The following MAP7 variants were observed in gnomAD, a reference collection of about 807,000 sequenced individuals.
MAP7 encodes the protein ensconsin.
A neutral mutation model predicts 94.8 loss-of-function variants in MAP7; 52 were observed. That is an observed-to-expected ratio of 0.55 (90% confidence interval 0.44 to 0.69). The LOEUF (loss-of-function observed/expected upper bound fraction) is 0.69, where lower values mean the gene tolerates loss of function less well. MAP7 is among the 30% of genes least tolerant of loss of function. The probability of loss-of-function intolerance (pLI) is 0.00; values close to 1 mark genes in which losing one functional copy is unlikely to be tolerated. For synonymous variants in MAP7, 350 were observed against 357.0 expected, an observed-to-expected ratio of 0.98 and a Z score of 0.22; for missense variants, 940 against 964.6, an observed-to-expected ratio of 0.97 and a Z score of 0.34.
At chr6:136,480,384 G>T (rs1299165330) in intron 1 of MAP7, among the ~76,000 whole-genome samples, 1 of 151,974 alleles carries the variant, frequency 6.6e-6, no homozygotes, top group Non-Finnish European at 1.5e-5. Context: ...TTCAAACTAT[G>T]AAACTACTAA....
chr6:136,493,958 C>T (rs1178603560), intron 1 of MAP7, among the ~76,000 whole-genome samples: 1 of 152,212 alleles, frequency 6.6e-6, no homozygotes, highest in Non-Finnish European at 1.5e-5. Context: ...AAGGCACAAC[C>T]TACCGACCTC....
At chr6:136,519,959 G>C (rs1825914213) in intron 1 of MAP7, among the ~76,000 whole-genome samples, 1 of 152,112 alleles carries the variant, frequency 6.6e-6, no homozygotes, top group African/African-American at 2.4e-5. Flanking sequence ...AGCACTTTGG[G>C]AGATCAAGGT....
intron 1 of MAP7, among the ~76,000 whole-genome samples, chr6:136,456,339 C>T (rs533825018): frequency 2.6e-5 from 4 of 151,930 alleles, no homozygotes. Flanking sequence ...AAAAGCAGTG[C>T]TATGAGGAAA....
chr6:136,377,419 T>A, intron 7 of MAP7, among the ~76,000 whole-genome samples: 1 of 152,222 alleles, frequency 6.6e-6, no homozygotes, highest in East Asian at 1.9e-4. Flanking sequence ...TGTTAAATTA[T>A]TTCTACCTTG....
At chr6:136,513,405 C>T (rs1562478154) in intron 1 of MAP7, among the ~76,000 whole-genome samples, 1 of 152,188 alleles carries the variant, frequency 6.6e-6, no homozygotes, top group Non-Finnish European at 1.5e-5. Context: ...AAACCACTTA[C>T]TTTGTTCATC....
chr6:136,431,836 CAG>C (rs1300652426), intron 1 of MAP7, among the ~76,000 whole-genome samples: 6 of 152,128 alleles, frequency 3.9e-5, no homozygotes, highest in Admixed American at 6.5e-5. Context: ...TCTTTTCTAA[CAG>C]AACCCTCATT....
intron 1 of MAP7, among the ~76,000 whole-genome samples, chr6:136,443,875 C>G (rs899040303): frequency 4.6e-5 from 7 of 152,148 alleles, no homozygotes; most frequent in Admixed American, 4.6e-4. Context: ...TGTAGAAGCG[C>G]CCCTTGAGAG....
chr6:136,467,289 T>TAAC (rs1807457643), intron 1 of MAP7, among the ~76,000 whole-genome samples: 1 of 152,202 alleles, frequency 6.6e-6, no homozygotes, highest in Non-Finnish European at 1.5e-5. Flanking sequence ...ACCCTGAAGG[T>TAAC]TATGGCTGAT....
At chr6:136,494,398 T>C (rs1376937828) in intron 1 of MAP7, among the ~76,000 whole-genome samples, 2 of 152,216 alleles carry the variant, frequency 1.3e-5, no homozygotes, top group African/African-American at 2.4e-5. Context: ...ATTTTACTTA[T>C]ATTGTCCTTG....
chr6:136,384,220 C>T (rs1047709308), intron 5 of MAP7, among the ~76,000 whole-genome samples: 5 of 152,062 alleles, frequency 3.3e-5, no homozygotes, highest in Non-Finnish European at 7.4e-5. Context: ...TGTGTAATTG[C>T]TGATAACTTT....
intron 3 of MAP7, among the ~76,000 whole-genome samples, chr6:136,405,068 G>A (rs1785183940): frequency 6.6e-6 from 1 of 151,978 alleles, no homozygotes; most frequent in Admixed American, 6.6e-5. Context: ...CTATCATAAG[G>A]GCAGGTATTA....
At chr6:136,355,381 T>C (rs1790604154) in intron 16 of MAP7, among the ~76,000 whole-genome samples, 1 of 151,872 alleles carries the variant, frequency 6.6e-6, no homozygotes, top group Non-Finnish European at 1.5e-5. Flanking sequence ...TCTTAGGTAA[T>C]TACAACAATA....
intron 1 of MAP7, among the ~76,000 whole-genome samples, chr6:136,449,886 T>A (rs1251983909): frequency 6.6e-6 from 1 of 152,164 alleles, no homozygotes. Flanking sequence ...TGCAACTTTT[T>A]AAACTCCATT....
chr6:136,358,144 G>A (rs541283381), intron 15 of MAP7, among the ~76,000 whole-genome samples: 1 of 152,314 alleles, frequency 6.6e-6, no homozygotes, highest in Admixed American at 6.5e-5. Flanking sequence ...GATAAACACA[G>A]CTATGCCAAA....
chr6:136,509,451 C>T (rs921398291), intron 1 of MAP7, among the ~76,000 whole-genome samples: 5 of 152,044 alleles, frequency 3.3e-5, no homozygotes, highest in East Asian at 1.9e-4. Flanking sequence ...TGCAGTCTTG[C>T]TATGTTGCCC....
chr6:136,434,457 G>GT, intron 1 of MAP7, among the ~76,000 whole-genome samples: 1 of 152,150 alleles, frequency 6.6e-6, no homozygotes, highest in Middle Eastern at 3.4e-3. Flanking sequence ...TATGCTTAGC[G>GT]TAACAAGCAG....
chr6:136,395,947 T>G (rs1782342820), intron 3 of MAP7, among the ~76,000 whole-genome samples: 1 of 152,212 alleles, frequency 6.6e-6, no homozygotes, highest in South Asian at 2.1e-4. Flanking sequence ...TATGCTGTTT[T>G]GGTTACTATA....
intron 3 of MAP7, among the ~76,000 whole-genome samples, chr6:136,411,173 G>A (rs1373749778): frequency 1.3e-5 from 2 of 152,166 alleles, no homozygotes; most frequent in Non-Finnish European, 2.9e-5. Flanking sequence ...TGGGTAATAA[G>A]AGAAAAATCA....
At chr6:136,413,305 T>C (rs1290712043) in intron 2 of MAP7, among the ~76,000 whole-genome samples, 2 of 152,112 alleles carry the variant, frequency 1.3e-5, no homozygotes, top group African/African-American at 4.8e-5. Context: ...GGTGGTTCAC[T>C]TGAGGTCAGG....
Sources: allele counts gnomAD v4.1 joint callset (sites outside exome capture counted in the v4.1 genomes callset), GRCh38; gene constraint gnomAD v4.1.1; transcripts MANE v1.5; gene names NCBI Gene and HGNC (gene_info 2026-07-23, HGNC 2026-07-21).